Variants in MARCHF3 observed in about 807,000 individuals in gnomAD.
MARCHF3 encodes the protein E3 ubiquitin-protein ligase MARCHF3.
MARCHF3 carries 13 observed loss-of-function variants against 24.2 expected under a neutral mutation model. The ratio of observed to expected loss-of-function variants is 0.54; its 90% confidence interval spans 0.35 to 0.85. The LOEUF (loss-of-function observed/expected upper bound fraction) is 0.85. Ranked by LOEUF, MARCHF3 falls within the 40% of genes least tolerant of loss-of-function variation. The probability of loss-of-function intolerance (pLI) is 0.01; values close to 1 mark genes in which losing one functional copy is unlikely to be tolerated. For missense variants in MARCHF3, 276 were observed against 325.0 expected, an observed-to-expected ratio of 0.85 and a Z score of 1.16; for synonymous variants, 144 against 137.3, an observed-to-expected ratio of 1.05 and a Z score of -0.34.
chr5:126,885,506 G>A (rs1753484303), intron 3 of MARCHF3, among the ~76,000 whole-genome samples: 1 of 151,460 alleles, frequency 6.6e-6, no homozygotes, highest in Non-Finnish European at 1.5e-5. Flanking sequence ...GGCGGAGGTT[G>A]CAGTGAGCTG....
chr5:126,897,056 T>TTTTTTTTTTTTTTTTTTA (rs70997319), intron 3 of MARCHF3, among the ~76,000 whole-genome samples: 5 of 148,944 alleles, frequency 3.4e-5, no homozygotes, highest in Admixed American at 6.7e-5. Flanking sequence ...TTTTTTTTTT[T>TTTTTTTTTTTTTTTTTTA]GAGATGGAGT....
At chr5:126,969,408 T>C (rs1418775812) in intron 1 of MARCHF3, among the ~76,000 whole-genome samples, 1 of 152,164 alleles carries the variant, frequency 6.6e-6, no homozygotes, top group Non-Finnish European at 1.5e-5. Context: ...ATGGTCAGCT[T>C]CTAGTATCAG....
At chr5:126,936,243 T>C (rs1019169583) in intron 1 of MARCHF3, among the ~76,000 whole-genome samples, 2 of 152,202 alleles carry the variant, frequency 1.3e-5, no homozygotes, top group African/African-American at 4.8e-5. Context: ...TTGAGCCTTT[T>C]TAAAAAAGGA....
chr5:126,946,792 GTGTGTC>G (rs1445032309), intron 1 of MARCHF3, among the ~76,000 whole-genome samples: 2 of 150,026 alleles, frequency 1.3e-5, no homozygotes, highest in African/African-American at 2.4e-5. Context: ...GTGTGTGTGT[GTGTGTC>G]TGTGTGTGTG....
chr5:127,012,390 T>C (rs1355367349), intron 1 of MARCHF3, among the ~76,000 whole-genome samples: 7 of 152,178 alleles, frequency 4.6e-5, no homozygotes, highest in East Asian at 3.8e-4. Context: ...ACCTAGTAAA[T>C]TGAAAACTAA....
chr5:126,896,148 A>G (rs1018872571), intron 3 of MARCHF3, among the ~76,000 whole-genome samples: 2 of 152,166 alleles, frequency 1.3e-5, no homozygotes, highest in African/African-American at 4.8e-5. Flanking sequence ...AAGTGAGGCA[A>G]TGCCTCGCCC....
At chr5:126,946,761 G>GGTGTGTGT (rs58269583) in intron 1 of MARCHF3, among the ~76,000 whole-genome samples, 4,257 of 135,992 alleles carry the variant, frequency 0.031, 126 homozygotes, top group African/African-American at 0.058. Context: ...TGTAAGTAGG[G>GGTGTGTGT]GTGTGTGTGT....
intron 3 of MARCHF3, among the ~76,000 whole-genome samples, chr5:126,883,484 A>G (rs747817706): frequency 6.6e-6 from 1 of 152,172 alleles, no homozygotes; most frequent in Non-Finnish European, 1.5e-5. Context: ...AGTACAATAA[A>G]TAAACAAACT....
At position 126,929,108 on chromosome 5, in the gene MARCHF3, G is replaced by A. The variant is rs567755447; in HGVS notation, c.-56-10881C>T. Among the ~76,000 whole-genome samples, 11 of 152,154 alleles carry A rather than the reference G, an allele frequency of 7.2e-5. No homozygotes were observed. In the East Asian group the frequency reaches 1.9e-3, roughly 27 times the overall value. On this transcript the variant is annotated intron_variant, in intron 1 of 4. Coordinates refer to ENST00000308660, the MANE Select transcript of MARCHF3 (RefSeq NM_178450.5). Reference sequence around the variant, plus strand: ...ATCGTATGTCCCTCTCAGTCACATCGGCCTCTCCCTTTCTTCCCAAGCCAT... The same window carrying A: ...ATCGTATGTCCCTCTCAGTCACATCAGCCTCTCCCTTTCTTCCCAAGCCAT...
At chr5:126,979,689 C>T (rs577435355) in intron 1 of MARCHF3, among the ~76,000 whole-genome samples, 3 of 152,258 alleles carry the variant, frequency 2.0e-5, no homozygotes, top group South Asian at 4.1e-4. Flanking sequence ...TGGCTCACGC[C>T]TGTAATCCCA....
At chr5:126,964,850 C>A (rs920199099) in intron 1 of MARCHF3, among the ~76,000 whole-genome samples, 1 of 152,060 alleles carries the variant, frequency 6.6e-6, no homozygotes, top group Non-Finnish European at 1.5e-5. Flanking sequence ...GGCATCTGGG[C>A]AAGTGAGCAA....
At chr5:126,873,979 G>A (rs1200760020) in intron 4 of MARCHF3, among the ~76,000 whole-genome samples, 1 of 152,142 alleles carries the variant, frequency 6.6e-6, no homozygotes, top group African/African-American at 2.4e-5. Context: ...GAAGAATAAG[G>A]CAGCGAGGAA....
chr5:126,877,712 A>G (rs1354248336), intron 4 of MARCHF3, among the ~76,000 whole-genome samples: 1 of 152,212 alleles, frequency 6.6e-6, no homozygotes, highest in Non-Finnish European at 1.5e-5. Flanking sequence ...CACGTCCAAC[A>G]AAGACTTTAG....
At chr5:126,895,611 A>G (rs550808317) in intron 3 of MARCHF3, among the ~76,000 whole-genome samples, 25 of 152,126 alleles carry the variant, frequency 1.6e-4, no homozygotes, top group African/African-American at 6.0e-4. Context: ...GGTGCCTCCC[A>G]GTTATGCTGC....
At chr5:126,946,316 G>A (rs1012630005) in intron 1 of MARCHF3, 4 of 145,334 alleles carry the variant, frequency 2.8e-5, no homozygotes, top group African/African-American at 1.0e-4. Flanking sequence ...AGACTGCAGT[G>A]AGCCGTGATC....
intron 1 of MARCHF3, among the ~76,000 whole-genome samples, chr5:126,921,942 G>A (rs1169286651): frequency 6.6e-6 from 1 of 152,236 alleles, no homozygotes; most frequent in African/African-American, 2.4e-5. Flanking sequence ...TTAGGGAATT[G>A]TTAAAATAAA....
intron 1 of MARCHF3, among the ~76,000 whole-genome samples, chr5:126,935,509 T>C (rs1482386854): frequency 6.6e-6 from 1 of 151,668 alleles, no homozygotes; most frequent in Non-Finnish European, 1.5e-5. Context: ...GAAATAGATA[T>C]ATATGTTCCT....
rs576569054 is a variant in MARCHF3, at chr5:126,932,353, C to T, written c.-56-14126G>A. On this transcript the variant is annotated intron_variant, in intron 1 of 4. Transcript: ENST00000308660. ...GTGAAAAAGGAGAAGGTGACTTCCT[C>T]GCAGTCATTATAAGACTTTAAATTG... Among the ~76,000 whole-genome samples, 9 of 152,326 alleles carry T rather than the reference C, an allele frequency of 5.9e-5. No individual in the cohort carries two copies. In the East Asian group the frequency reaches 1.2e-3, roughly 20 times the overall value.
At chr5:126,979,775 C>G (rs941889273) in intron 1 of MARCHF3, among the ~76,000 whole-genome samples, 2 of 151,694 alleles carry the variant, frequency 1.3e-5, no homozygotes, top group African/African-American at 4.8e-5. Context: ...ATGGAGAAAC[C>G]CTGTCTCTAC....
Sources: gnomAD v4.1 joint callset for allele counts (sites outside exome capture counted in the v4.1 genomes callset) on GRCh38, gnomAD v4.1.1 for gene constraint, MANE v1.5 for transcripts, NCBI Gene and HGNC (gene_info 2026-07-23, HGNC 2026-07-21) for gene names.